The following ZRANB1 variants were observed in gnomAD, a reference collection of about 807,000 sequenced individuals.
The protein encoded by ZRANB1 is zinc finger RANBP2-type containing 1.
A neutral mutation model predicts 80.5 loss-of-function variants in ZRANB1; 16 were observed. The ratio of observed to expected loss-of-function variants is 0.20; its 90% confidence interval spans 0.13 to 0.30. The LOEUF is 0.30. Ranked by LOEUF, ZRANB1 falls within the 10% of genes least tolerant of loss-of-function variation. The pLI is 1.00. For synonymous variants in ZRANB1, 291 were observed against 293.1 expected, an observed-to-expected ratio of 0.99 and a Z score of 0.07; for missense variants, 576 against 862.6, an observed-to-expected ratio of 0.67 and a Z score of 4.16.
At chr10:124,943,925 AC>A (rs1319743134) in intron 1 of ZRANB1, among the ~76,000 whole-genome samples, 1 of 152,234 alleles carries the variant, frequency 6.6e-6, no homozygotes, top group African/African-American at 2.4e-5. Context: ...AAGAAGTTGA[AC>A]AAACATATTG....
intron 1 of ZRANB1, among the ~76,000 whole-genome samples, chr10:124,957,791 A>G (rs1385474495): frequency 1.3e-5 from 2 of 151,322 alleles, no homozygotes; most frequent in South Asian, 2.1e-4. Context: ...CTGTGGTGCA[A>G]TCTGCGCTTG....
At chr10:124,928,065 G>C in the ZRANB1 span, among the ~76,000 whole-genome samples, 6 of 152,190 alleles carry the variant, frequency 3.9e-5, no homozygotes, top group South Asian at 1.0e-3. Context: ...AAAGAACTAA[G>C]TTTATTCAGT....
rs1351232558 is a variant in ZRANB1, at chr10:124,983,415, C to G, written c.1679-44C>G. 1.3e-6 allele frequency: 2 copies of G among 1,592,878 alleles called. No homozygotes were observed. Among genetic ancestry groups the G allele is most frequent in the Non-Finnish European group, 8.6e-7 (1 of 1,166,326 alleles). ...GAACAAGGGCAGTGAGGGAGTGGCT[C>G]TTTCTTCCTGTGACTGTTGGGATTT... On this transcript the variant is annotated intron_variant, in intron 7 of 8. Transcript: ENST00000359653. This position sits in a 1 kb window ranked among gnomAD's most constrained non-coding sequence, Gnocchi z 6.2.
chr10:124,974,515 A>T, intron 5 of ZRANB1, 117 bp downstream of exon 5: 1 of 1,083,874 alleles, frequency 9.2e-7, no homozygotes, highest in Non-Finnish European at 1.3e-6. Context: ...GAGGAAAAAC[A>T]GTTCATTTTG....
the ZRANB1 span, among the ~76,000 whole-genome samples, chr10:124,928,743 A>C: frequency 1.3e-5 from 2 of 152,236 alleles, no homozygotes; most frequent in African/African-American, 4.8e-5. Flanking sequence ...CAAATGAAGA[A>C]AGAAATGTCA....
chr10:124,970,833 GTT>G (rs34391929), intron 2 of ZRANB1, among the ~76,000 whole-genome samples: 12,808 of 85,332 alleles, frequency 0.15, 395 homozygotes, highest in East Asian at 0.2. Flanking sequence ...TCTCTTTGGG[GTT>G]TTTTTTTTTT....
At chr10:124,919,838 C>G in the ZRANB1 span, among the ~76,000 whole-genome samples, 1 of 150,252 alleles carries the variant, frequency 6.7e-6, no homozygotes, top group Non-Finnish European at 1.5e-5. Flanking sequence ...GTCTCGATCT[C>G]CTGACCTTGT....
chr10:124,918,979 G>A, the ZRANB1 span, among the ~76,000 whole-genome samples: 1 of 152,160 alleles, frequency 6.6e-6, no homozygotes, highest in African/African-American at 2.4e-5. Flanking sequence ...ATGCCTCAGA[G>A]CATTGGGACA....
At chr10:124,982,057 G>A (rs1196463730) in intron 6 of ZRANB1, among the ~76,000 whole-genome samples, 1 of 116,780 alleles carries the variant, frequency 8.6e-6, no homozygotes, top group African/African-American at 3.2e-5. Flanking sequence ...AGTCCTCACT[G>A]CAGAGCAGGA....
the ZRANB1 span, among the ~76,000 whole-genome samples, chr10:124,918,399 A>G: frequency 1.3e-5 from 2 of 152,208 alleles, no homozygotes; most frequent in Admixed American, 6.5e-5. Context: ...CATGTTGGTC[A>G]GGCTGGTCTC....
chr10:124,970,700 A>G (rs1048576654), intron 2 of ZRANB1, among the ~76,000 whole-genome samples: 1 of 152,172 alleles, frequency 6.6e-6, no homozygotes, highest in Non-Finnish European at 1.5e-5. Context: ...CTCTTTGAGA[A>G]GAAGAAGAAG....
intron 5 of ZRANB1, 25 bp from the exon 6 acceptor site, chr10:124,981,684 T>C: frequency 1.3e-6 from 2 of 1,575,760 alleles, no homozygotes; most frequent in Non-Finnish European, 1.7e-6. Flanking sequence ...TATTTATTTA[T>C]TTTTTTACTA....
chr10:124,929,404 C>T, the ZRANB1 span, among the ~76,000 whole-genome samples: 5 of 150,472 alleles, frequency 3.3e-5, no homozygotes, highest in Admixed American at 2.0e-4. Flanking sequence ...GGCGAGATCT[C>T]GGCTCACTGC....
Position 124,953,165 on chromosome 10 carries a change from T to A in ZRANB1, c.814+9858T>A, listed in dbSNP as rs117041149. On this transcript the variant is annotated intron_variant, in intron 1 of 8. Transcript: ENST00000359653. ...CAGGCTGGTCTCAAATTCCTGACCT[T>A]GCCTCCTGCCTTGGCCTCCCAAAGT... 0.027 allele frequency among the ~76,000 whole-genome samples: 3,912 copies of A among 144,740 alleles called. 422 individuals are homozygous for A. In the East Asian group the frequency reaches 0.38, roughly 14 times the overall value. The allele number at this position is 144,740 out of a possible 152,430, so 95.0% of individuals were successfully genotyped here. A position where few individuals can be genotyped will look rare whatever the true frequency, so the allele number is the denominator to read the frequency against.
intron 1 of ZRANB1, among the ~76,000 whole-genome samples, chr10:124,964,072 CA>C (rs1951758595): frequency 2.6e-5 from 4 of 152,294 alleles, no homozygotes; most frequent in African/African-American, 7.2e-5. Flanking sequence ...TAGTTTAATG[CA>C]GAGCATGGAG....
chr10:124,932,910 A>G, the ZRANB1 span, among the ~76,000 whole-genome samples: 4 of 151,964 alleles, frequency 2.6e-5, no homozygotes, highest in Non-Finnish European at 5.9e-5. Flanking sequence ...CCACCTATAT[A>G]TATTCTTCGG....
chr10:124,954,138 C>CTTTT (rs1481027679), intron 1 of ZRANB1, among the ~76,000 whole-genome samples: 4 of 111,164 alleles, frequency 3.6e-5, no homozygotes, highest in African/African-American at 1.7e-4. Context: ...CAGCTAATTC[C>CTTTT]TGTTTTTTTT....
Position 124,942,309 on chromosome 10 carries a change from A to G in ZRANB1, c.-185A>G. On this transcript the variant is annotated 5_prime_UTR_variant, in exon 1 of 9. Transcript: ENST00000359653. ...TCCAGTGTTTCTATGGAAATTAAAA[A>G]AGAAAATTAGGATAATTCAATGTCG... 2 of 1,411,776 alleles carry G rather than the reference A, an allele frequency of 1.4e-6. No individual in the cohort carries two copies. Among genetic ancestry groups the G allele is most frequent in the Non-Finnish European group, 1.8e-6 (2 of 1,087,906 alleles). 87.5% of individuals were successfully genotyped at this position (1,411,776 alleles called of 1,614,324 possible).
the ZRANB1 span, among the ~76,000 whole-genome samples, chr10:124,934,026 A>C: frequency 6.6e-6 from 1 of 152,222 alleles, no homozygotes; most frequent in South Asian, 2.1e-4. Flanking sequence ...GGTTTAAAAG[A>C]AAACAAGACC....
Sources: gnomAD v4.1 joint callset for allele counts (sites outside exome capture counted in the v4.1 genomes callset) on GRCh38, gnomAD v4.1.1 for gene constraint, Gnocchi (gnomAD v3.1) non-coding constraint, MANE v1.5 for transcripts, NCBI Gene and HGNC (gene_info 2026-07-23, HGNC 2026-07-21) for gene names.